The following AGBL4 variants were observed in gnomAD, a reference collection of about 807,000 sequenced individuals.
AGBL4 encodes cytosolic carboxypeptidase 6.
Under a neutral mutation model 66.4 loss-of-function variants are expected in AGBL4, and 58 were observed. The observed-to-expected ratio is 0.87, with a 90% CI of 0.71 to 1.09. The LOEUF is 1.09. Among genes scored for constraint, AGBL4 ranks in the 50% least tolerant of loss-of-function variants. The pLI is 0.00. For missense variants in AGBL4, 579 were observed against 631.0 expected (o/e 0.92, Z 0.88); for synonymous variants, 234 against 222.9 (o/e 1.05, Z -0.44).
At chr1:49,810,440 C>A (rs889526759) in intron 2 of AGBL4, among the ~76,000 whole-genome samples, 5 of 152,036 alleles carry the variant, frequency 3.3e-5, no homozygotes, top group African/African-American at 1.2e-4. Flanking sequence ...TACCACACAT[C>A]TAATTATAAA....
intron 3 of AGBL4, among the ~76,000 whole-genome samples, chr1:49,302,605 ATTTTTTTATTTTATTTTATT>A (rs1301821670): frequency 6.4e-4 from 54 of 84,472 alleles, no homozygotes; most frequent in Middle Eastern, 8.6e-3. Context: ...ATTTTATTTT[ATTTTTTTATTTTATTTTATT>A]TTATTTTATT....
chr1:49,463,883 C>G (rs1012724194), intron 3 of AGBL4, among the ~76,000 whole-genome samples: 1 of 151,764 alleles, frequency 6.6e-6, no homozygotes, highest in Non-Finnish European at 1.5e-5. Flanking sequence ...GTTCATTCAT[C>G]CTATTCTGTG....
intron 3 of AGBL4, among the ~76,000 whole-genome samples, chr1:49,573,998 C>T (rs1191151855): frequency 1.3e-5 from 2 of 152,128 alleles, no homozygotes; most frequent in African/African-American, 4.8e-5. Flanking sequence ...CCTGAGGCAA[C>T]AGTGATGGCC....
At chr1:48,666,417 C>A (rs1646188527) in intron 6 of AGBL4, among the ~76,000 whole-genome samples, 1 of 152,120 alleles carries the variant, frequency 6.6e-6, no homozygotes, top group Non-Finnish European at 1.5e-5. Flanking sequence ...CTGACATGCT[C>A]AAGGGTACAA....
chr1:49,733,135 G>C (rs905914731), intron 2 of AGBL4, among the ~76,000 whole-genome samples: 3 of 152,166 alleles, frequency 2.0e-5, no homozygotes, highest in African/African-American at 7.2e-5. Context: ...GGATGACATA[G>C]TCAGAATGCT....
intron 3 of AGBL4, among the ~76,000 whole-genome samples, chr1:49,284,946 C>A (rs1644368425): frequency 6.7e-6 from 1 of 150,278 alleles, no homozygotes; most frequent in Non-Finnish European, 1.5e-5. Context: ...ACCCCACTGT[C>A]AACATTAGAC....
At chr1:49,424,006 T>C (rs1217456172) in intron 3 of AGBL4, among the ~76,000 whole-genome samples, 1 of 152,102 alleles carries the variant, frequency 6.6e-6, no homozygotes, top group Non-Finnish European at 1.5e-5. Flanking sequence ...AATCTCTGCT[T>C]CCTTCTCTGG....
chr1:48,925,261 C>G (rs915924622), intron 5 of AGBL4, among the ~76,000 whole-genome samples: 3 of 151,976 alleles, frequency 2.0e-5, no homozygotes, highest in Non-Finnish European at 4.4e-5. Context: ...CATGGACACT[C>G]AAGTCCTTTA....
chr1:49,701,328 G>C (rs181741824), intron 2 of AGBL4, among the ~76,000 whole-genome samples: 2 of 152,068 alleles, frequency 1.3e-5, no homozygotes, highest in East Asian at 3.9e-4. Context: ...ATTAAGATTT[G>C]CTAAGAGAGT....
At chr1:49,259,185 C>T (rs1447035018) in intron 3 of AGBL4, among the ~76,000 whole-genome samples, 3 of 152,046 alleles carry the variant, frequency 2.0e-5, no homozygotes, top group Admixed American at 6.6e-5. Flanking sequence ...GCAACCAGTA[C>T]CAGCCACTGC....
chr1:48,860,817 A>G (rs139227656), intron 6 of AGBL4, among the ~76,000 whole-genome samples: 2 of 152,326 alleles, frequency 1.3e-5, no homozygotes, highest in East Asian at 3.9e-4. Context: ...AGAAAAGAGA[A>G]AACCAGAAAA....
chr1:48,556,474 G>A (rs543629090), intron 11 of AGBL4, among the ~76,000 whole-genome samples: 41 of 152,272 alleles, frequency 2.7e-4, no homozygotes, highest in South Asian at 8.3e-4. Flanking sequence ...TATCCCACGC[G>A]TTCATTCACC....
intron 2 of AGBL4, among the ~76,000 whole-genome samples, chr1:49,748,852 CTGTT>C (rs1179465861): frequency 2.0e-5 from 3 of 151,874 alleles, no homozygotes; most frequent in East Asian, 1.9e-4. Flanking sequence ...TTTGATGGGG[CTGTT>C]TGTTTTTTTC....
At position 49,457,380 on chromosome 1, in the gene AGBL4, A is replaced by C. The variant is rs187666662; in HGVS notation, c.283-211516T>G. 7.4e-4 allele frequency among the ~76,000 whole-genome samples: 112 copies of C among 151,732 alleles called. 2 individuals are homozygous for C. Among genetic ancestry groups the C allele is most frequent in the African/African-American group, 2.6e-3 (108 of 41,460 alleles). ...AACCATTTGTATATCTTCTTTTGAG[A>C]ATTGTCTATTCATTATCTCAGCCCA... On this transcript the variant is annotated intron_variant, in intron 3 of 13. Transcript: ENST00000371839.
intron 6 of AGBL4, among the ~76,000 whole-genome samples, chr1:48,819,667 A>C (rs1646267308): frequency 6.6e-6 from 1 of 152,226 alleles, no homozygotes; most frequent in Non-Finnish European, 1.5e-5. Flanking sequence ...CTTCTAGTCC[A>C]GTGTTTGCAT....
chr1:49,859,692 G>A (rs1646520873), intron 1 of AGBL4, among the ~76,000 whole-genome samples: 1 of 151,834 alleles, frequency 6.6e-6, no homozygotes. Context: ...TTACCCCCCA[G>A]TATTGTTTAC....
At chr1:49,708,009 T>C (rs1647342668) in intron 2 of AGBL4, among the ~76,000 whole-genome samples, 1 of 152,168 alleles carries the variant, frequency 6.6e-6, no homozygotes, top group African/African-American at 2.4e-5. Flanking sequence ...TCAACCTTGA[T>C]GAATCTGACG....
At chr1:48,941,399 A>C (rs952081819) in intron 5 of AGBL4, among the ~76,000 whole-genome samples, 1 of 152,254 alleles carries the variant, frequency 6.6e-6, no homozygotes, top group Non-Finnish European at 1.5e-5. Flanking sequence ...TCATTTCAAT[A>C]GGTCACAATT....
chr1:49,319,037 G>A (rs1378110466), intron 3 of AGBL4, among the ~76,000 whole-genome samples: 1 of 152,148 alleles, frequency 6.6e-6, no homozygotes, highest in Non-Finnish European at 1.5e-5. Context: ...GGAAAAGACA[G>A]GGTTAGATTG....
Sources: allele counts gnomAD v4.1 joint callset (sites outside exome capture counted in the v4.1 genomes callset), GRCh38; gene constraint gnomAD v4.1.1; transcripts MANE v1.5; gene names NCBI Gene and HGNC (gene_info 2026-07-23, HGNC 2026-07-21).